The following TTC12 variants were observed in gnomAD, a reference collection of about 807,000 sequenced individuals.
TTC12 encodes the protein tetratricopeptide repeat domain 12.
In TTC12, 70 loss-of-function variants were observed where a neutral mutation model predicts 90.1. That is an observed-to-expected ratio of 0.78 (90% CI 0.64 to 0.95). The LOEUF (loss-of-function observed/expected upper bound fraction) is 0.95, where lower values mean the gene tolerates loss of function less well. Among genes scored for constraint, TTC12 ranks in the 40% least tolerant of loss-of-function variants. The pLI is 0.00. For synonymous variants in TTC12, 296 were observed against 311.5 expected (o/e 0.95, Z 0.53); for missense variants, 819 against 846.1 (o/e 0.97, Z 0.40).
At chr11:113,346,828 A>T (rs1158801079) in intron 13 of TTC12, among the ~76,000 whole-genome samples, 2 of 152,106 alleles carry the variant, frequency 1.3e-5, no homozygotes, top group Non-Finnish European at 2.9e-5. Context: ...ATATTTTTAT[A>T]ATCATTTTCT....
chr11:113,350,129 C>A lies in TTC12; in HGVS notation c.1211C>A (p.Ala404Asp). 6.2e-7 allele frequency: 1 copy of A among 1,613,782 alleles called. No homozygotes were observed. Among genetic ancestry groups the A allele is most frequent in the Non-Finnish European group, 8.5e-7 (1 of 1,179,752 alleles). ...TTCTCGGATAAGGAGGCCAACACTG[C>A]TATGGGACTGTTCACAGACTTGGCT... ...LDFSDKEANT[A>D]MGLFTDLALE... The change falls in exon 14 of 22, where the codon GCT becomes GAT. Residue 404 changes from alanine to aspartate, a missense_variant. Physicochemically the swap from Ala to Asp is moderately radical, Grantham distance 126. Transcript: ENST00000529221.
At chr11:113,338,916 C>A in intron 9 of TTC12, 82 bp downstream of exon 9, 1 of 1,285,406 alleles carries the variant, frequency 7.8e-7, no homozygotes, top group Non-Finnish European at 1.1e-6. Flanking sequence ...CGTGCTTTCA[C>A]TGCCCTTGGC....
In TTC12 at chr11:113,352,160, C is replaced by T. The variant is rs1382744901; in HGVS notation, c.1399C>T (p.His467Tyr). 3 of 1,614,130 alleles carry T rather than the reference C, an allele frequency of 1.9e-6. No homozygotes were observed. Among genetic ancestry groups the T allele is most frequent in the East Asian group, 2.2e-5 (1 of 44,886 alleles). Residue 467 changes from histidine (H) to tyrosine (Y), a missense_variant, in exon 16 of 22, where the codon CAC becomes TAC. Physicochemically the swap from His to Tyr is moderately conservative, Grantham distance 83 (BLOSUM62 2). Transcript: ENST00000529221. The stretch of plus-strand genomic sequence containing the variant: ...CAGTGCTGAGCCCACTACCCGAAGA[C>T]ACATGGCGGCCTGTGAGGAATTTGG... The part of the protein sequence containing the change: ...NLSAEPTTRR[H>Y]MAACEEFGDG...
chr11:113,363,291 G>A (rs1449242755), intron 19 of TTC12, among the ~76,000 whole-genome samples: 4 of 152,206 alleles, frequency 2.6e-5, no homozygotes, highest in Non-Finnish European at 5.9e-5. Flanking sequence ...AAAAGCTCCT[G>A]ATGGCATGCA....
At chr11:113,362,855 C>CA (rs1244489174) in intron 19 of TTC12, among the ~76,000 whole-genome samples, 1 of 152,216 alleles carries the variant, frequency 6.6e-6, no homozygotes, top group Non-Finnish European at 1.5e-5. Flanking sequence ...TTTTGCTACT[C>CA]ATGATGCTTT....
chr11:113,372,000 C>A (rs779193181), intron 21 of TTC12, among the ~76,000 whole-genome samples: 4 of 152,156 alleles, frequency 2.6e-5, no homozygotes, highest in Non-Finnish European at 5.9e-5. Flanking sequence ...ACCCGGCCAT[C>A]CCTATATGCT....
rs1948713179 is a variant in TTC12, at chr11:113,341,987, G to A, written c.985+62G>A. ...CGCTGCGTGCAGGAACTACGCTGTT[G>A]GGTGGACTGTCCTCCCCAAAGGCCA... is the stretch of plus-strand genomic sequence containing the variant. On this transcript the variant is annotated intron_variant, in intron 12 of 21. Transcript: ENST00000529221. 6 of 1,420,590 alleles carry A rather than the reference G, an allele frequency of 4.2e-6. 1 individual carries two copies. Among genetic ancestry groups the A allele is most frequent in the Admixed American group, 3.4e-5 (2 of 59,688 alleles). 88.0% of individuals were successfully genotyped at this position (1,420,590 alleles called of 1,614,324 possible). A position where few individuals can be genotyped will look rare whatever the true frequency, so the allele number is the denominator to read the frequency against.
rs557142203 is a variant in TTC12 at position 113,332,056 on chromosome 11, A to G, written c.504+2077A>G. Among the ~76,000 whole-genome samples the G allele has an allele frequency of 4.6e-5, 7 of 152,324 alleles. No homozygotes were observed. The South Asian group carries it at 1.0e-3, about 23-fold the overall frequency. ...TCATGCCAATTTAATCTTTTTGGAC[A>G]CTTTTAAATTGGTAGAGACAAGCTT... On this transcript the variant is annotated intron_variant, in intron 7 of 21. Transcript: ENST00000529221.
intron 6 of TTC12, among the ~76,000 whole-genome samples, chr11:113,325,940 C>G (rs1486155580): frequency 1.3e-5 from 2 of 152,142 alleles, no homozygotes; most frequent in Non-Finnish European, 2.9e-5. Flanking sequence ...TGACCATGCA[C>G]TTGTCCCTGT....
Position 113,325,458 on chromosome 11 carries a change from G to C in TTC12, c.323-66G>C, listed in dbSNP as rs1216444038. 2.5e-6 allele frequency: 4 copies of C among 1,584,526 alleles called. No homozygotes were observed. In the African/African-American group the frequency reaches 5.4e-5, roughly 21 times the overall value. On this transcript the variant is annotated intron_variant, in intron 5 of 21. Transcript: ENST00000529221. The stretch of plus-strand genomic sequence containing the variant: ...TCGAAATAGAATTGGAAAATCGGGG[G>C]AATAAAGTCTGAGAGATTTTCTGAT...
chr11:113,370,443 C>T (rs534775092), downstream of TTC12, among the ~76,000 whole-genome samples: 220 of 152,362 alleles, frequency 1.4e-3, 1 homozygote, highest in Admixed American at 3.1e-3. Flanking sequence ...CAGCAGCTCC[C>T]GGCCCTGTGG....
chr11:113,361,815 CA>C (rs1345000281), intron 18 of TTC12, among the ~76,000 whole-genome samples: 1 of 151,154 alleles, frequency 6.6e-6, no homozygotes. Context: ...ATAGGAAAAC[CA>C]AGATAAACAT....
rs1555145692 is a variant in TTC12, at chr11:113,340,651, G to A, written c.827-13G>A. On this transcript the variant is annotated splice_polypyrimidine_tract_variant and intron_variant, in intron 10 of 21. Transcript: ENST00000529221. Reference sequence around the variant, plus strand: ...TTGGGAGTCTGAAGTGGTTTTCTTTGTATCTGTTTCAGGCACAGAACAAAC... The same window carrying A: ...TTGGGAGTCTGAAGTGGTTTTCTTTATATCTGTTTCAGGCACAGAACAAAC... 6.2e-7 allele frequency: 1 copy of A among 1,612,440 alleles called. No homozygotes were observed. The highest frequency in any genetic ancestry group is 2.2e-5 in the East Asian group (1 of 44,856).
chr11:113,331,149 A>G (rs1432084265), intron 7 of TTC12, among the ~76,000 whole-genome samples: 1 of 152,206 alleles, frequency 6.6e-6, no homozygotes, highest in Non-Finnish European at 1.5e-5. Flanking sequence ...TTTATCCCTT[A>G]GAAGATAAAA....
chr11:113,339,461 A>G lies in TTC12; in HGVS notation c.813A>G (p.Glu271=). 1 of 1,611,068 alleles carries G rather than the reference A, an allele frequency of 6.2e-7. No individual in the cohort carries two copies. The highest frequency in any genetic ancestry group is 8.5e-7 in the Non-Finnish European group (1 of 1,179,114). Reference sequence around the variant, plus strand: ...CTGGGGGGATTGAGATCCTGACTGAAATGATAAATGAGTGTAAGCCAGAGA... The same window carrying G: ...CTGGGGGGATTGAGATCCTGACTGAGATGATAAATGAGTGTAAGCCAGAGA... The part of the protein sequence containing the change: ...FYAGGIEILT[E]MINECTEQTL... The change falls in exon 10 of 22, where the codon GAA becomes GAG. Residue 271 remains glutamate, a synonymous_variant. Coordinates refer to ENST00000529221, the MANE Select transcript of TTC12 (RefSeq NM_017868.4).
rs782251387 is a variant in TTC12, at chr11:113,360,006, A to C, written c.1612A>C (p.Thr538Pro). Reference protein sequence around the residue: ...LLNSQDGGILTRAAGVLSRTL... With the variant: ...LLNSQDGGILPRAAGVLSRTL... ...AAACAGCCAGGATGGAGGAATCCTGACAGTAAGTTTCTCCCAGGGAAATCC... is the reference window on the plus strand; with the variant it reads ...AAACAGCCAGGATGGAGGAATCCTGCCAGTAAGTTTCTCCCAGGGAAATCC... The change falls in exon 18 of 22, where the codon ACA becomes CCA. Residue 538 changes from threonine to proline, a missense_variant and splice_region_variant. Thr to Pro is a conservative substitution (Grantham distance 38, BLOSUM62 -1). Coordinates refer to ENST00000529221, the MANE Select transcript of TTC12 (RefSeq NM_017868.4). 2.5e-6 allele frequency: 4 copies of C among 1,590,810 alleles called. No individual in the cohort carries two copies. The Admixed American group carries it at 7.1e-5, about 28-fold the overall frequency.
chr11:113,320,261 C>G (rs1300375574), intron 2 of TTC12, among the ~76,000 whole-genome samples: 1 of 152,138 alleles, frequency 6.6e-6, no homozygotes, highest in Admixed American at 6.5e-5. Flanking sequence ...TTTCTGTTTT[C>G]GTGCCCAAAA....
At chr11:113,371,735 A>G (rs1022739396) in intron 21 of TTC12, among the ~76,000 whole-genome samples, 8 of 152,166 alleles carry the variant, frequency 5.3e-5, no homozygotes, top group Non-Finnish European at 1.2e-4. Flanking sequence ...GTCCTCCTCC[A>G]CCTTGCTTTA....
At chr11:113,372,322 C>G (rs1950407235) in intron 21 of TTC12, among the ~76,000 whole-genome samples, 1 of 152,222 alleles carries the variant, frequency 6.6e-6, no homozygotes, top group Admixed American at 6.5e-5. Context: ...GCTGATCTCC[C>G]CATCTCACTC....
Sources: gnomAD v4.1 joint callset for allele counts (sites outside exome capture counted in the v4.1 genomes callset) on GRCh38, gnomAD v4.1.1 for gene constraint, MANE v1.5 for transcripts, NCBI Gene and HGNC (gene_info 2026-07-23, HGNC 2026-07-21) for gene names.